ADAMTSL3: variants seen among roughly 807,000 people sequenced by gnomAD.
ADAMTSL3 encodes ADAMTS-like protein 3.
Under a neutral mutation model 201.7 loss-of-function variants are expected in ADAMTSL3, and 128 were observed. That is an observed-to-expected ratio of 0.63 (90% confidence interval 0.55 to 0.73). ADAMTSL3 has a LOEUF of 0.73. Among genes scored for constraint, ADAMTSL3 ranks in the 30% least tolerant of loss-of-function variants. The probability of loss-of-function intolerance (pLI) is 0.00; values close to 1 mark genes in which losing one functional copy is unlikely to be tolerated. For synonymous variants in ADAMTSL3, 738 were observed against 748.4 expected (o/e 0.99, Z 0.23); for missense variants, 1,990 against 2,119.6 (o/e 0.94, Z 1.20).
At chr15:83,899,840 C>T in intron 15 of ADAMTSL3, 109 bp downstream of exon 15, 1 of 1,392,894 alleles carries the variant, frequency 7.2e-7, no homozygotes, top group Non-Finnish European at 9.6e-7. Context: ...TCCAAATGAC[C>T]TGGATTTACA....
chr15:84,037,763 A>G lies in ADAMTSL3; in HGVS notation c.5033A>G (p.Asp1678Gly), dbSNP rs772281441. The G allele has an allele frequency of 1.2e-6, 2 of 1,613,926 alleles. No individual in the cohort carries two copies. The highest frequency in any genetic ancestry group is 2.7e-5 in the African/African-American group (2 of 74,930). ...AAACATCTTAATTTGTGTTCTCTAG[A>G]CCGCTACAAACAAAGGTGCTGCCAG... ...FVKHLNLCSL[D>G]RYKQRCCQSC... Residue 1678 changes from aspartate to glycine, a missense_variant, in exon 30 of 30, where the codon GAC becomes GGC. By Grantham distance (94) the Asp-to-Gly change is moderately conservative. Coordinates refer to ENST00000286744, the MANE Select transcript of ADAMTSL3 (RefSeq NM_207517.3).
At chr15:83,940,484 T>C (rs1018525989) in intron 17 of ADAMTSL3, among the ~76,000 whole-genome samples, 3 of 152,194 alleles carry the variant, frequency 2.0e-5, no homozygotes, top group African/African-American at 7.2e-5. Flanking sequence ...GCAAGCTCCC[T>C]GGTGTCTCTT....
At chr15:83,828,050 G>A (rs898572550) in intron 6 of ADAMTSL3, among the ~76,000 whole-genome samples, 3 of 152,156 alleles carry the variant, frequency 2.0e-5, no homozygotes, top group African/African-American at 7.2e-5. Context: ...CCAATTCTGT[G>A]AAGAAATTCT....
At chr15:83,941,052 A>G (rs1215146899) in intron 17 of ADAMTSL3, among the ~76,000 whole-genome samples, 2 of 151,924 alleles carry the variant, frequency 1.3e-5, no homozygotes, top group Non-Finnish European at 2.9e-5. Flanking sequence ...GGTTTAGCAA[A>G]GTATTTTAAA....
chr15:83,688,338 A>G (rs2141447156), intron 2 of ADAMTSL3, among the ~76,000 whole-genome samples: 1 of 152,366 alleles, frequency 6.6e-6, no homozygotes, highest in East Asian at 1.9e-4. Flanking sequence ...ACACAATGAA[A>G]CAGCAAAGTG....
At chr15:83,987,215 A>T (rs1341257996) in intron 21 of ADAMTSL3, among the ~76,000 whole-genome samples, 1 of 152,226 alleles carries the variant, frequency 6.6e-6, no homozygotes, top group African/African-American at 2.4e-5. Context: ...CCTTACTAAC[A>T]GCGAGGTCTG....
At chr15:84,034,396 A>G (rs913762840) in intron 28 of ADAMTSL3, among the ~76,000 whole-genome samples, 1 of 152,166 alleles carries the variant, frequency 6.6e-6, no homozygotes, top group African/African-American at 2.4e-5. Flanking sequence ...AGTGGTGGGC[A>G]GGCTGTCTGC....
chr15:83,946,239 C>T (rs1035118394), intron 19 of ADAMTSL3, among the ~76,000 whole-genome samples: 2 of 152,186 alleles, frequency 1.3e-5, no homozygotes, highest in Non-Finnish European at 2.9e-5. Context: ...GGTGACATCA[C>T]CACTTTCCTC....
At chr15:83,774,391 G>C (rs975979095) in intron 4 of ADAMTSL3, among the ~76,000 whole-genome samples, 10 of 152,226 alleles carry the variant, frequency 6.6e-5, no homozygotes, top group Non-Finnish European at 1.2e-4. Context: ...TGCAGGGAGA[G>C]CATATTTTGG....
At chr15:83,692,155 T>C (rs75370610) in intron 2 of ADAMTSL3, among the ~76,000 whole-genome samples, 1 of 150,614 alleles carries the variant, frequency 6.6e-6, no homozygotes. Context: ...GTTTTTTTTT[T>C]CCTGCTGATT....
At chr15:83,716,360 C>T (rs953673240) in intron 3 of ADAMTSL3, among the ~76,000 whole-genome samples, 1 of 151,768 alleles carries the variant, frequency 6.6e-6, no homozygotes, top group Non-Finnish European at 1.5e-5. Context: ...CACACACACA[C>T]ACACAAATTA....
intron 7 of ADAMTSL3, among the ~76,000 whole-genome samples, chr15:83,850,227 A>T (rs1391529411): frequency 6.6e-6 from 1 of 151,952 alleles, no homozygotes; most frequent in Non-Finnish European, 1.5e-5. Context: ...AAGACTAATT[A>T]ATCCCTCCAT....
At position 83,870,898 on chromosome 15, in the gene ADAMTSL3, G is replaced by A. The variant is rs746876840; in HGVS notation, c.899G>A (p.Arg300Lys). 2.5e-6 allele frequency: 4 copies of A among 1,613,354 alleles called. No homozygotes were observed. The African/African-American group carries it at 5.3e-5, about 22-fold the overall frequency. The stretch of plus-strand genomic sequence containing the variant: ...GAAAACACAACAGTGGAATTTCAGA[G>A]GGGCTCCGAGAGGCAAACTTTTAAG... ...LVENTTVEFQ[R>K]GSERQTFKIP... is the part of the protein sequence containing the mutation. The change falls in exon 9 of 30, where the codon AGG becomes AAG. Residue 300 changes from arginine (R) to lysine (K), a missense_variant. Coordinates refer to ENST00000286744, the MANE Select transcript of ADAMTSL3 (RefSeq NM_207517.3).
At chr15:83,992,548 A>G (rs1459115991) in intron 23 of ADAMTSL3, among the ~76,000 whole-genome samples, 1 of 152,248 alleles carries the variant, frequency 6.6e-6, no homozygotes, top group Non-Finnish European at 1.5e-5. Flanking sequence ...AAGTTTCTAC[A>G]GCCCTATACC....
intron 16 of ADAMTSL3, among the ~76,000 whole-genome samples, chr15:83,918,718 G>T (rs2066082269): frequency 6.6e-6 from 1 of 152,206 alleles, no homozygotes; most frequent in African/African-American, 2.4e-5. Context: ...GTTGATTTGA[G>T]TCTATCCCAA....
At chr15:83,988,114 A>C (rs2067514409) in intron 21 of ADAMTSL3, among the ~76,000 whole-genome samples, 1 of 152,200 alleles carries the variant, frequency 6.6e-6, no homozygotes, top group Non-Finnish European at 1.5e-5. Flanking sequence ...AACCATAATG[A>C]ACTCATGCAG....
At chr15:84,033,821 A>G (rs112388777) in intron 28 of ADAMTSL3, among the ~76,000 whole-genome samples, 5 of 152,348 alleles carry the variant, frequency 3.3e-5, no homozygotes, top group African/African-American at 1.2e-4. Flanking sequence ...AAGGTAGCAA[A>G]AAATAAGAGG....
intron 2 of ADAMTSL3, among the ~76,000 whole-genome samples, chr15:83,679,073 T>C (rs2061445216): frequency 6.6e-6 from 1 of 151,754 alleles, no homozygotes; most frequent in Non-Finnish European, 1.5e-5. Context: ...TTGATTTTTG[T>C]TGAAGTATAC....
At chr15:83,773,188 G>T (rs1461878814) in intron 3 of ADAMTSL3, among the ~76,000 whole-genome samples, 1 of 152,084 alleles carries the variant, frequency 6.6e-6, no homozygotes, top group Non-Finnish European at 1.5e-5. Flanking sequence ...GAGGCGGGCA[G>T]ATCACCTGAG....
Sources: allele counts gnomAD v4.1 joint callset (sites outside exome capture counted in the v4.1 genomes callset), GRCh38; gene constraint gnomAD v4.1.1; transcripts MANE v1.5; gene names NCBI Gene and HGNC (gene_info 2026-07-23, HGNC 2026-07-21).